The following DMD variants were observed in gnomAD, a reference collection of about 807,000 sequenced individuals.
The protein encoded by DMD is dystrophin, also known as mutant dystrophin.
Under a neutral mutation model 330.1 loss-of-function variants are expected in DMD, and 63 were observed. That is an observed-to-expected ratio of 0.19 (90% CI 0.16 to 0.24). DMD has a LOEUF of 0.24. DMD is among the 10% of genes least tolerant of loss of function. The pLI is 1.00. For synonymous variants in DMD, 1,223 were observed against 959.8 expected (o/e 1.27, Z -5.07); for missense variants, 3,344 against 2,684.1 (o/e 1.25, Z -5.43).
At chrX:31,909,291 G>C (rs2094517935) in intron 47 of DMD, among the ~76,000 whole-genome samples, 1 of 111,259 alleles carries the variant, frequency 9.0e-6, no homozygotes, top group African/African-American at 3.3e-5. Flanking sequence ...GTAGAAGTGA[G>C]GTGTGATTTA....
intron 44 of DMD, among the ~76,000 whole-genome samples, chrX:32,045,794 C>A (rs1466178007): frequency 8.9e-6 from 1 of 112,093 alleles, no homozygotes; most frequent in Non-Finnish European, 1.9e-5. Context: ...AATACACTTT[C>A]CCTTAGTTAC....
chrX:31,829,052 T>TA (rs2092958086), intron 49 of DMD, among the ~76,000 whole-genome samples: 1 of 112,016 alleles, frequency 8.9e-6, no homozygotes, highest in African/African-American at 3.2e-5. Flanking sequence ...TACTCAGCCA[T>TA]AAAAAAGAAT....
chrX:33,119,310 T>G (rs1393392380), intron 1 of DMD, among the ~76,000 whole-genome samples: 3 of 112,652 alleles, frequency 2.7e-5, no homozygotes, highest in Non-Finnish European at 3.7e-5. Flanking sequence ...TATTGTCTTC[T>G]TTCTCCAATA....
intron 4 of DMD, among the ~76,000 whole-genome samples, chrX:32,826,415 C>T (rs1173106229): frequency 1.8e-5 from 2 of 110,808 alleles, no homozygotes; most frequent in Non-Finnish European, 3.8e-5. Flanking sequence ...CTCAAAATAG[C>T]GAAGATAGGA....
chrX:32,488,488 A>G (rs1352289017), intron 20 of DMD, among the ~76,000 whole-genome samples: 1 of 111,874 alleles, frequency 8.9e-6, no homozygotes, highest in Non-Finnish European at 1.9e-5. Flanking sequence ...GAAACATGTT[A>G]TAATTTATTT....
chrX:31,725,482 A>G (rs2085961065), intron 52 of DMD, among the ~76,000 whole-genome samples: 1 of 111,806 alleles, frequency 8.9e-6, no homozygotes, highest in South Asian at 3.8e-4. Flanking sequence ...ATTATAATTA[A>G]AATAACAAAT....
intron 53 of DMD, among the ~76,000 whole-genome samples, chrX:31,664,529 C>CT (rs57706460): frequency 0.011 from 711 of 63,682 alleles, 24 homozygotes; most frequent in Non-Finnish European, 0.014. Context: ...AGTGTTCAAG[C>CT]TTTTTTTTTT....
chrX:31,704,938 C>T (rs1203614234), intron 52 of DMD, among the ~76,000 whole-genome samples: 1 of 112,093 alleles, frequency 8.9e-6, no homozygotes, highest in Non-Finnish European at 1.9e-5. Context: ...ATTCACATGC[C>T]TTTGGAATCT....
intron 2 of DMD, among the ~76,000 whole-genome samples, chrX:32,964,699 C>T (rs1225503216): frequency 1.8e-5 from 2 of 111,630 alleles, no homozygotes; most frequent in Non-Finnish European, 3.8e-5. Flanking sequence ...CAGAGCAAGA[C>T]TCTGTCTCAA....
At chrX:31,513,736 C>G (rs1250981659) in intron 55 of DMD, among the ~76,000 whole-genome samples, 4 of 111,486 alleles carry the variant, frequency 3.6e-5, no homozygotes, top group African/African-American at 1.3e-4. Context: ...GCAGCAGCAG[C>G]AAGAACAACA....
chrX:32,283,781 C>T (rs1321355763), intron 43 of DMD, among the ~76,000 whole-genome samples: 3 of 110,277 alleles, frequency 2.7e-5, no homozygotes, highest in African/African-American at 9.9e-5. Context: ...TTTTTTTCAC[C>T]CTAAAACAGC....
chrX:32,940,899 A>G (rs1038462418), intron 2 of DMD, among the ~76,000 whole-genome samples: 5 of 111,671 alleles, frequency 4.5e-5, no homozygotes, highest in African/African-American at 9.8e-5. Context: ...ATTACAAACT[A>G]CATATCACAC....
At chrX:31,434,937 G>C (rs901744738) in intron 60 of DMD, among the ~76,000 whole-genome samples, 2 of 111,862 alleles carry the variant, frequency 1.8e-5, no homozygotes, top group African/African-American at 6.5e-5. Flanking sequence ...TTTGTTTAAA[G>C]GGTCGAATCA....
chrX:32,637,866 A>T (rs2059205010), intron 11 of DMD, among the ~76,000 whole-genome samples: 1 of 111,995 alleles, frequency 8.9e-6, no homozygotes, highest in Non-Finnish European at 1.9e-5. Flanking sequence ...GATTATGAGA[A>T]CTACAATTCA....
rs990689735 is a variant in DMD at position 32,473,785 on chromosome X, C to G, written c.2804-1476G>C. Among the ~76,000 whole-genome samples the G allele has an allele frequency of 2.7e-5, 3 of 111,202 alleles. No homozygotes were observed. In the Admixed American group the frequency reaches 2.9e-4, roughly 11 times the overall value. The stretch of plus-strand genomic sequence containing the variant: ...AAAAGATATTTGTAGTACTTAAAAT[C>G]TGTTTTAATTTACATAAATAATATG... On this transcript the variant is annotated intron_variant, in intron 21 of 78. Transcript: ENST00000357033.
intron 50 of DMD, among the ~76,000 whole-genome samples, chrX:31,793,214 C>T (rs986765097): frequency 1.8e-5 from 2 of 110,407 alleles, no homozygotes; most frequent in Admixed American, 9.7e-5. Context: ...TGGGGTGGGG[C>T]CATGGGTGGT....
At chrX:32,664,229 C>T (rs771495859) in intron 9 of DMD, among the ~76,000 whole-genome samples, 12 of 105,590 alleles carry the variant, frequency 1.1e-4, no homozygotes, top group African/African-American at 4.2e-4. Flanking sequence ...TAAGGTGGAC[C>T]TGGCATAGGT....
chrX:32,432,989 C>T (rs2098244498), intron 29 of DMD, among the ~76,000 whole-genome samples: 1 of 112,120 alleles, frequency 8.9e-6, no homozygotes, highest in Admixed American at 9.5e-5. Flanking sequence ...TAACAACTTA[C>T]AGACATCTTT....
At position 32,632,724 on chromosome X, in the gene DMD, G is replaced by C. The variant is rs754882980; in HGVS notation, c.1331+11408C>G. On this transcript the variant is annotated intron_variant, in intron 11 of 78. Transcript: ENST00000357033. ...CAGCTGGAGCTACAGTGGCCAGGAC[G>C]CTGGGTGCGGGGGGGAGGGGTTGGG... Among the ~76,000 whole-genome samples, 11 of 99,379 alleles carry C rather than the reference G, an allele frequency of 1.1e-4. No individual in the cohort carries two copies. The East Asian group carries it at 2.5e-3, about 22-fold the overall frequency. 86.3% of individuals were successfully genotyped at this position (99,379 alleles called of 115,157 possible).
Sources: gnomAD v4.1 joint callset for allele counts (sites outside exome capture counted in the v4.1 genomes callset) on GRCh38, gnomAD v4.1.1 for gene constraint, MANE v1.5 for transcripts, NCBI Gene and HGNC (gene_info 2026-07-23, HGNC 2026-07-21) for gene names.